The following CAST variants were observed in gnomAD, a reference collection of about 807,000 sequenced individuals.
The protein encoded by CAST is MIR583 host.
CAST carries 76 observed loss-of-function variants against 119.6 expected under a neutral mutation model. The observed-to-expected ratio is 0.64, with a 90% confidence interval of 0.53 to 0.77. The LOEUF is 0.77. CAST is among the 30% of genes least tolerant of loss of function. The probability of loss-of-function intolerance (pLI) is 0.00; values close to 1 mark genes in which losing one functional copy is unlikely to be tolerated. For missense variants in CAST, 953 were observed against 946.5 expected, an observed-to-expected ratio of 1.01 and a Z score of -0.09; for synonymous variants, 319 against 331.6, an observed-to-expected ratio of 0.96 and a Z score of 0.41.
At chr5:96,226,334 G>A in the CAST span, among the ~76,000 whole-genome samples, 2 of 152,208 alleles carry the variant, frequency 1.3e-5, no homozygotes, top group Middle Eastern at 3.4e-3. Flanking sequence ...CAGCCTTCTG[G>A]GAGAAGGCAA....
the CAST span, among the ~76,000 whole-genome samples, chr5:96,104,664 A>C: frequency 1.3e-5 from 2 of 150,964 alleles, no homozygotes; most frequent in Non-Finnish European, 3.0e-5. Context: ...GAAGTCAGGT[A>C]GTGTGATGCC....
the CAST span, among the ~76,000 whole-genome samples, chr5:96,326,695 A>ATTTTTTT: frequency 2.4e-3 from 231 of 95,738 alleles, no homozygotes; most frequent in East Asian, 4.6e-3. Flanking sequence ...ATGGCTTTTC[A>ATTTTTTT]TTTTTTTTTT....
chr5:96,006,357 A>T, the CAST span, among the ~76,000 whole-genome samples: 1 of 149,314 alleles, frequency 6.7e-6, no homozygotes, highest in Non-Finnish European at 1.5e-5. Context: ...ACAATAGCTG[A>T]TGAGCTAAAA....
the CAST span, among the ~76,000 whole-genome samples, chr5:96,010,158 G>A: frequency 5.9e-5 from 9 of 152,080 alleles, no homozygotes; most frequent in Admixed American, 3.3e-4. Flanking sequence ...CTATGTGTCT[G>A]TTTTTTGTAT....
the CAST span, among the ~76,000 whole-genome samples, chr5:96,032,865 T>C: frequency 6.6e-6 from 1 of 151,942 alleles, no homozygotes; most frequent in East Asian, 1.9e-4. Flanking sequence ...GCCTCTAAAT[T>C]GGAAAGAAAG....
chr5:96,670,647 A>G (rs1322028776), intron 1 of CAST, among the ~76,000 whole-genome samples: 2 of 152,122 alleles, frequency 1.3e-5, no homozygotes, highest in East Asian at 1.9e-4. Context: ...ACAGGTGTGC[A>G]CCACCATGCC....
At chr5:96,613,178 G>C (rs6899206) in intron 1 of CAST, among the ~76,000 whole-genome samples, 26,873 of 152,068 alleles carry the variant, frequency 0.18, 3,008 homozygotes, top group East Asian at 0.35. Context: ...ATTCCTAGCT[G>C]TTTTCTTCCA....
At chr5:96,414,187 T>C in the CAST span, among the ~76,000 whole-genome samples, 1 of 151,910 alleles carries the variant, frequency 6.6e-6, no homozygotes, top group Admixed American at 6.6e-5. Context: ...CTGTGGAATC[T>C]TGGGCAAGCC....
chr5:96,177,098 G>T, the CAST span, among the ~76,000 whole-genome samples: 2 of 152,198 alleles, frequency 1.3e-5, no homozygotes, highest in South Asian at 4.2e-4. Context: ...TTATTATTAT[G>T]ATTATTATTA....
the CAST span, among the ~76,000 whole-genome samples, chr5:96,503,505 C>A: frequency 1.3e-5 from 2 of 152,162 alleles, no homozygotes; most frequent in Non-Finnish European, 2.9e-5. Context: ...AAAGAAAGCT[C>A]TTACCCACCT....
At chr5:96,056,861 G>C in the CAST span, among the ~76,000 whole-genome samples, 1 of 152,104 alleles carries the variant, frequency 6.6e-6, no homozygotes, top group Non-Finnish European at 1.5e-5. Flanking sequence ...TCTCTATCTA[G>C]TGAGGGATCT....
At chr5:96,186,486 G>A in the CAST span, among the ~76,000 whole-genome samples, 2 of 152,104 alleles carry the variant, frequency 1.3e-5, no homozygotes, top group African/African-American at 2.4e-5. Flanking sequence ...CTGTGGGTTT[G>A]TCGTATATGA....
the CAST span, among the ~76,000 whole-genome samples, chr5:96,219,765 GAAGGAAGGAAGA>G: frequency 0.024 from 3,501 of 145,292 alleles, 126 homozygotes; most frequent in African/African-American, 0.094. Context: ...AGGCAGGAAG[GAAGGAAGGAAGA>G]AAGGAAGGAA....
the CAST span, among the ~76,000 whole-genome samples, chr5:96,066,946 G>T: frequency 2.0e-5 from 3 of 152,048 alleles, no homozygotes; most frequent in East Asian, 5.8e-4. Flanking sequence ...AATTACAGGT[G>T]TTAAGTCACT....
At chr5:96,083,977 AT>A in the CAST span, among the ~76,000 whole-genome samples, 1 of 152,042 alleles carries the variant, frequency 6.6e-6, no homozygotes, top group African/African-American at 2.4e-5. Flanking sequence ...TTATGTTTCT[AT>A]TGCAGGGGTT....
chr5:96,153,051 A>G, the CAST span, among the ~76,000 whole-genome samples: 1 of 152,268 alleles, frequency 6.6e-6, no homozygotes, highest in African/African-American at 2.4e-5. Context: ...AGACCTTAAG[A>G]TAGGCTCTTT....
the CAST span, among the ~76,000 whole-genome samples, chr5:96,403,351 G>A: frequency 1.3e-5 from 2 of 152,054 alleles, no homozygotes; most frequent in African/African-American, 4.8e-5. Flanking sequence ...TGCCATGTTG[G>A]TGTGCTGCAC....
chr5:96,507,394 G>A, the CAST span, among the ~76,000 whole-genome samples: 1 of 152,186 alleles, frequency 6.6e-6, no homozygotes, highest in Admixed American at 6.5e-5. Flanking sequence ...AGAGCATCCA[G>A]TCGAATCTTA....
chr5:96,750,845 T>A (rs1764896639), intron 20 of CAST, among the ~76,000 whole-genome samples, 163 bp downstream of exon 20: 1 of 152,184 alleles, frequency 6.6e-6, no homozygotes, highest in Admixed American at 6.5e-5. Context: ...TTCAGGGGTG[T>A]CGTAGAAATT....
Sources: allele counts gnomAD v4.1 joint callset (sites outside exome capture counted in the v4.1 genomes callset), GRCh38; gene constraint gnomAD v4.1.1; transcripts MANE v1.5; gene names NCBI Gene and HGNC (gene_info 2026-07-23, HGNC 2026-07-21).